The following CHLSN variants were observed in gnomAD, a reference collection of about 807,000 sequenced individuals.
CHLSN encodes protein cholesin.
chr7:1,013,962 G>A, the CHLSN span, among the ~76,000 whole-genome samples: 1 of 152,214 alleles, frequency 6.6e-6, no homozygotes, highest in Non-Finnish European at 1.5e-5. Flanking sequence ...CTTTACGCAG[G>A]ACCTGCACCC....
the CHLSN span, among the ~76,000 whole-genome samples, chr7:1,005,243 A>T: frequency 4.5e-4 from 69 of 152,310 alleles, no homozygotes; most frequent in African/African-American, 1.6e-3. Context: ...GTGAGCCGAG[A>T]TTGCACCACT....
the CHLSN span, among the ~76,000 whole-genome samples, chr7:1,042,110 C>T: frequency 2.0e-5 from 3 of 152,040 alleles, no homozygotes; most frequent in Admixed American, 6.5e-5. Context: ...CGGCAGTGTG[C>T]GGGGCTGCAG....
the CHLSN span, chr7:1,028,654 C>G: frequency 1.1e-6 from 1 of 934,084 alleles, no homozygotes; most frequent in South Asian, 5.0e-5. Context: ...ACCGCCCCCA[C>G]CCAGCCCCTA....
chr7:1,057,496 G>A, the CHLSN span: 32 of 752,538 alleles, frequency 4.3e-5, no homozygotes, highest in Non-Finnish European at 6.9e-5. Flanking sequence ...CCGCAGGGTC[G>A]CGGAGCCTCG....
the CHLSN span, among the ~76,000 whole-genome samples, chr7:1,039,017 C>T: frequency 1.5e-5 from 1 of 66,268 alleles, no homozygotes; most frequent in African/African-American, 6.1e-5. Context: ...GTGGGGGTGT[C>T]GGCCCCCCGC....
At chr7:1,017,463 G>A in the CHLSN span, among the ~76,000 whole-genome samples, 2 of 152,202 alleles carry the variant, frequency 1.3e-5, no homozygotes, top group Non-Finnish European at 2.9e-5. Context: ...AGGCGCTGCT[G>A]TCCTACGATG....
the CHLSN span, chr7:1,028,432 G>T: frequency 1.0e-6 from 1 of 985,798 alleles, no homozygotes; most frequent in East Asian, 1.1e-4. Flanking sequence ...TGACGCCAGC[G>T]CGCCTGCGGG....
At chr7:987,879 CCTGT>C in the CHLSN span, among the ~76,000 whole-genome samples, 1 of 150,348 alleles carries the variant, frequency 6.7e-6, no homozygotes, top group Non-Finnish European at 1.5e-5. Context: ...CTGGGGATCC[CCTGT>C]GTGTCCTGAG....
At chr7:991,605 C>A in the CHLSN span, among the ~76,000 whole-genome samples, 1 of 152,254 alleles carries the variant, frequency 6.6e-6, no homozygotes, top group Admixed American at 6.5e-5. Context: ...CAGGCACGTC[C>A]CGGGGGCTTG....
chr7:1,076,338 G>C, the CHLSN span: 1 of 156,348 alleles, frequency 6.4e-6, no homozygotes, highest in Non-Finnish European at 1.4e-5. Context: ...GAGCAGGCCA[G>C]GGAGGAGCAC....
chr7:1,118,638 A>G, the CHLSN span, among the ~76,000 whole-genome samples: 1 of 152,090 alleles, frequency 6.6e-6, no homozygotes, highest in Admixed American at 6.6e-5. Flanking sequence ...TAAGAGGCCA[A>G]GAACACTGTC....
At chr7:1,038,898 C>T in the CHLSN span, among the ~76,000 whole-genome samples, 1 of 67,824 alleles carries the variant, frequency 1.5e-5, no homozygotes, top group Non-Finnish European at 3.1e-5. Flanking sequence ...GTCAGCCCTC[C>T]GCCCGGCCAG....
the CHLSN span, among the ~76,000 whole-genome samples, chr7:981,806 T>C: frequency 2.0e-5 from 3 of 152,262 alleles, no homozygotes; most frequent in South Asian, 4.1e-4. Context: ...GGCAGGAGGA[T>C]TGCTTGAACC....
chr7:1,102,630 G>A, the CHLSN span, among the ~76,000 whole-genome samples: 1 of 151,992 alleles, frequency 6.6e-6, no homozygotes, highest in Non-Finnish European at 1.5e-5. Flanking sequence ...CTTTAAGAGA[G>A]AAAGGAAGGT....
the CHLSN span, chr7:1,087,959 C>T: frequency 2.0e-4 from 30 of 152,338 alleles, no homozygotes; most frequent in African/African-American, 6.5e-4. Flanking sequence ...TCTAGTAGAA[C>T]TGAGCTGATT....
At chr7:1,034,321 G>C in the CHLSN span, among the ~76,000 whole-genome samples, 1 of 151,722 alleles carries the variant, frequency 6.6e-6, no homozygotes, top group Admixed American at 6.6e-5. Context: ...AGAACAGACA[G>C]CAGAGTCAAG....
chr7:1,026,771 T>A, the CHLSN span: 4 of 152,376 alleles, frequency 2.6e-5, no homozygotes, highest in Admixed American at 6.5e-5. Flanking sequence ...GAGGCTCCCG[T>A]AGTGCTCGAG....
chr7:1,105,981 G>A, the CHLSN span, among the ~76,000 whole-genome samples: 9 of 151,528 alleles, frequency 5.9e-5, no homozygotes, highest in African/African-American at 1.7e-4. Context: ...AGGAGCACAC[G>A]GAGGGGAGAG....
chr7:1,101,074 G>A, the CHLSN span, among the ~76,000 whole-genome samples: 1 of 152,240 alleles, frequency 6.6e-6, no homozygotes, highest in Non-Finnish European at 1.5e-5. Flanking sequence ...CCTGCCACAG[G>A]CTCCCAGTGT....
Sources: gnomAD v4.1 joint callset for allele counts (sites outside exome capture counted in the v4.1 genomes callset) on GRCh38, gnomAD v4.1.1 for gene constraint, MANE v1.5 for transcripts, NCBI Gene and HGNC (gene_info 2026-07-23, HGNC 2026-07-21) for gene names.